Variants in DCT observed in about 807,000 individuals in gnomAD.
DCT encodes dopachrome tautomerase.
Under a neutral mutation model 53.0 loss-of-function variants are expected in DCT, and 47 were observed. The observed-to-expected ratio is 0.89, with a 90% CI of 0.70 to 1.13. The LOEUF is 1.13. DCT is among the 50% of genes most tolerant of loss of function. The pLI, the probability that DCT is intolerant of heterozygous loss-of-function variation, is 0.00. For synonymous variants in DCT, 244 were observed against 237.0 expected (o/e 1.03, Z -0.27); for missense variants, 669 against 637.4 (o/e 1.05, Z -0.53).
chr13:94,502,470 C>T, the DCT span, among the ~76,000 whole-genome samples: 115 of 152,288 alleles, frequency 7.6e-4, no homozygotes, highest in African/African-American at 2.6e-3. Flanking sequence ...GGCCTGAGCT[C>T]CCAGCCTCCA....
At chr13:94,547,971 AAAAAAAAAAAAAAAT>A in the DCT span, among the ~76,000 whole-genome samples, 10 of 110,104 alleles carry the variant, frequency 9.1e-5, no homozygotes, top group South Asian at 1.5e-3. Flanking sequence ...TCAAAAAAAA[AAAAAAAAAAAAAAAT>A]ATATATATAT....
rs1040889024 is a variant in DCT, at chr13:94,465,768, G to A, written c.728C>T (p.Pro243Leu). The A allele has an allele frequency of 1.2e-6, 2 of 1,610,846 alleles. No individual in the cohort carries two copies. The highest frequency in any genetic ancestry group is 2.2e-5 in the East Asian group (1 of 44,636). Residue 243 changes from proline (P) to leucine (L), a missense_variant, in exon 4 of 8, where the codon CCC becomes CTC. By Grantham distance (98) the Pro-to-Leu change is moderately conservative (BLOSUM62 -3). Coordinates refer to ENST00000377028, the MANE Select transcript of DCT (RefSeq NM_001922.5). Reference protein sequence around the residue: ...RLIGNESFALPYWNFATGRNE... With the variant: ...RLIGNESFALLYWNFATGRNE... ...CCTCCCAGTGGCAAAGTTCCAGTAG[G>A]GCAAAGCAAAAGACTCATTGCCAAT... is the stretch of plus-strand genomic sequence containing the variant.
At chr13:94,465,968 TTATATATATATATATATATA>T (rs3044355) in intron 3 of DCT, among the ~76,000 whole-genome samples, 169 bp from the exon 4 acceptor site, 2,752 of 77,750 alleles carry the variant, frequency 0.035, 117 homozygotes, top group Middle Eastern at 0.086. Context: ...TGTGTATATT[TTATATATATATATATATATA>T]TATATATATA....
chr13:94,489,761 T>TACACACAC, the DCT span, among the ~76,000 whole-genome samples: 2 of 150,362 alleles, frequency 1.3e-5, no homozygotes, highest in African/African-American at 4.9e-5. Flanking sequence ...GAATGATTAA[T>TACACACAC]ACACACACAC....
chr13:94,534,329 G>A, the DCT span, among the ~76,000 whole-genome samples: 4 of 152,212 alleles, frequency 2.6e-5, no homozygotes, highest in Admixed American at 1.3e-4. Context: ...AGGTCAAGTC[G>A]AATGGAATGT....
chr13:94,521,839 C>A, the DCT span, among the ~76,000 whole-genome samples: 1 of 152,124 alleles, frequency 6.6e-6, no homozygotes, highest in Non-Finnish European at 1.5e-5. Flanking sequence ...GTGAAACCAT[C>A]GCCACAATTT....
the DCT span, among the ~76,000 whole-genome samples, chr13:94,509,485 A>G: frequency 1.3e-5 from 2 of 152,200 alleles, no homozygotes; most frequent in South Asian, 4.2e-4. Flanking sequence ...AAATAAAAGA[A>G]GTAAAGCCAG....
At chr13:94,497,146 A>C in the DCT span, among the ~76,000 whole-genome samples, 1 of 152,198 alleles carries the variant, frequency 6.6e-6, no homozygotes, top group African/African-American at 2.4e-5. Flanking sequence ...TAAGTAAAGC[A>C]GACTGCTCTT....
the DCT span, among the ~76,000 whole-genome samples, chr13:94,528,147 C>T: frequency 2.0e-5 from 3 of 152,192 alleles, no homozygotes; most frequent in Admixed American, 6.5e-5. Flanking sequence ...TGTGAAAAGA[C>T]CAAATCTGCA....
chr13:94,519,307 C>T, the DCT span, among the ~76,000 whole-genome samples: 2 of 152,234 alleles, frequency 1.3e-5, no homozygotes. Context: ...GGTGACTCTC[C>T]AGCACCTAGA....
chr13:94,461,164 G>C (rs964754755), intron 5 of DCT, among the ~76,000 whole-genome samples: 1 of 152,196 alleles, frequency 6.6e-6, no homozygotes, highest in Non-Finnish European at 1.5e-5. Flanking sequence ...TGAGTTAGGG[G>C]AGTTGTTCTC....
rs114212489 is a variant in DCT, at chr13:94,446,550, C to T, written c.1180-2913G>A. 2.4e-3 allele frequency among the ~76,000 whole-genome samples: 371 copies of T among 152,252 alleles called. 1 individual carries two copies. Among genetic ancestry groups the T allele is most frequent in the African/African-American group, 8.5e-3 (354 of 41,546 alleles). On this transcript the variant is annotated intron_variant, in intron 6 of 7. Transcript: ENST00000377028. Reference sequence around the variant, plus strand: ...ATGACATATTGAATCCTCAAAGCAGCCTGATTTGGTGGATATTATTTGTTT... The same window carrying T: ...ATGACATATTGAATCCTCAAAGCAGTCTGATTTGGTGGATATTATTTGTTT...
chr13:94,467,447 G>A (rs148458035), intron 2 of DCT: 41 of 152,280 alleles, frequency 2.7e-4, no homozygotes, highest in African/African-American at 9.6e-4. Flanking sequence ...AATTTAATTC[G>A]TAGCTATGAC....
At chr13:94,477,601 CTA>C (rs1162060525) in intron 1 of DCT, among the ~76,000 whole-genome samples, 3 of 151,982 alleles carry the variant, frequency 2.0e-5, no homozygotes, top group Non-Finnish European at 4.4e-5. Context: ...TGCAATATAT[CTA>C]TGTCACAAAC....
At chr13:94,463,078 G>A (rs77580584) in intron 4 of DCT, among the ~76,000 whole-genome samples, 4,780 of 152,184 alleles carry the variant, frequency 0.031, 130 homozygotes, top group East Asian at 0.16. Context: ...TATCCTACAC[G>A]CCTGCTATGG....
intron 6 of DCT, among the ~76,000 whole-genome samples, chr13:94,457,292 T>C (rs1883471532): frequency 6.6e-6 from 1 of 152,094 alleles, no homozygotes; most frequent in Non-Finnish European, 1.5e-5. Flanking sequence ...AAAGAGGTAA[T>C]TAAGGTTTAA....
chr13:94,504,088 A>C, the DCT span, among the ~76,000 whole-genome samples: 1 of 152,216 alleles, frequency 6.6e-6, no homozygotes, highest in Non-Finnish European at 1.5e-5. Context: ...AATTTGCAAG[A>C]CTTGGAATTA....
chr13:94,449,102 A>G (rs1381843065), intron 6 of DCT, among the ~76,000 whole-genome samples: 2 of 151,962 alleles, frequency 1.3e-5, no homozygotes, highest in Non-Finnish European at 1.5e-5. Flanking sequence ...AAACAACACT[A>G]AATTTCAAAG....
the DCT span, among the ~76,000 whole-genome samples, chr13:94,546,134 A>G: frequency 0.012 from 1,827 of 152,234 alleles, 42 homozygotes; most frequent in African/African-American, 0.041. The surrounding 1 kb of genome is among the most constrained non-coding windows in gnomAD (Gnocchi z 4.2). Context: ...ATGGCTGTGT[A>G]TCTCCTACAA....
Sources: gnomAD v4.1 joint callset for allele counts (sites outside exome capture counted in the v4.1 genomes callset) on GRCh38, gnomAD v4.1.1 for gene constraint, Gnocchi (gnomAD v3.1) non-coding constraint, MANE v1.5 for transcripts, NCBI Gene and HGNC (gene_info 2026-07-23, HGNC 2026-07-21) for gene names.